The following TRAP1 variants were observed in gnomAD, a reference collection of about 807,000 sequenced individuals.
The protein encoded by TRAP1 is heat shock protein 75 kDa, mitochondrial.
A neutral mutation model predicts 89.1 loss-of-function variants in TRAP1; 102 were observed. The observed-to-expected ratio is 1.15, with a 90% CI of 0.98 to 1.35. TRAP1 has a LOEUF of 1.35. Among genes scored for constraint, TRAP1 ranks in the 40% most tolerant of loss-of-function variants. The pLI, the probability that TRAP1 is intolerant of heterozygous loss-of-function variation, is 0.00. For missense variants in TRAP1, 1,256 were observed against 945.3 expected (o/e 1.33, Z -4.31); for synonymous variants, 508 against 388.0 (o/e 1.31, Z -3.64).
intron 17 of TRAP1, 27 bp from the exon 18 acceptor site, chr16:3,658,257 A>T: frequency 6.4e-7 from 1 of 1,551,816 alleles, no homozygotes; most frequent in Non-Finnish European, 8.9e-7. Flanking sequence ...GAAACCCATT[A>T]TGAGGGGCAT....
At chr16:3,674,623 G>T in intron 8 of TRAP1, 129 bp from the exon 9 acceptor site, 5 of 1,151,352 alleles carry the variant, frequency 4.3e-6, no homozygotes, top group Non-Finnish European at 6.1e-6. Flanking sequence ...GGTGGTCTCA[G>T]GCGTAGACCC....
intron 9 of TRAP1, among the ~76,000 whole-genome samples, chr16:3,673,929 G>A (rs2050951087): frequency 1.3e-5 from 2 of 152,120 alleles, no homozygotes. Context: ...CTGATCCACA[G>A]CAGATGATGT....
chr16:3,684,886 T>C (rs1287435162), intron 4 of TRAP1, among the ~76,000 whole-genome samples: 1 of 152,226 alleles, frequency 6.6e-6, no homozygotes, highest in Non-Finnish European at 1.5e-5. Flanking sequence ...AATGGAGCTC[T>C]AAATTACCTG....
chr16:3,702,539 T>C (rs189633065), intron 1 of TRAP1, among the ~76,000 whole-genome samples: 2 of 151,480 alleles, frequency 1.3e-5, no homozygotes, highest in East Asian at 3.9e-4. Flanking sequence ...GCCCAGGAGT[T>C]TGAGACCAGC....
intron 13 of TRAP1, 109 bp from the exon 14 acceptor site, chr16:3,663,671 G>T (rs974784626): frequency 5.0e-6 from 7 of 1,412,964 alleles, no homozygotes; most frequent in Non-Finnish European, 6.7e-6. Flanking sequence ...GCCACACTGG[G>T]GAACACCGGG....
intron 16 of TRAP1, 86 bp downstream of exon 16, chr16:3,661,901 C>G (rs1431233284): frequency 1.4e-6 from 2 of 1,468,896 alleles, no homozygotes; most frequent in Non-Finnish European, 1.8e-6. Context: ...CACTTTTCTT[C>G]TGTGTCACAT....
chr16:3,673,626 GCCTGAGA>G (rs2050945970), intron 9 of TRAP1, among the ~76,000 whole-genome samples: 1 of 152,150 alleles, frequency 6.6e-6, no homozygotes, highest in South Asian at 2.1e-4. Flanking sequence ...CCTGGGTGGG[GCCTGAGA>G]CTCTAACAAG....
chr16:3,708,776 A>C (rs866037611), intron 1 of TRAP1, among the ~76,000 whole-genome samples: 7 of 151,416 alleles, frequency 4.6e-5, no homozygotes, highest in Admixed American at 1.3e-4. Context: ...AGATGGCGCC[A>C]CTGCACTCCA....
chr16:3,685,360 A>T (rs28697882), intron 4 of TRAP1, among the ~76,000 whole-genome samples: 1 of 152,232 alleles, frequency 6.6e-6, no homozygotes, highest in African/African-American at 2.4e-5. Flanking sequence ...TCACAAGTCC[A>T]TTCATTCACG....
intron 1 of TRAP1, among the ~76,000 whole-genome samples, chr16:3,696,627 C>A (rs1207097939): frequency 1.3e-5 from 2 of 152,110 alleles, no homozygotes; most frequent in Non-Finnish European, 2.9e-5. Context: ...ACAATCACAG[C>A]TCACTGCAGC....
chr16:3,700,048 T>C (rs763110358), intron 1 of TRAP1, among the ~76,000 whole-genome samples: 6 of 152,070 alleles, frequency 3.9e-5, no homozygotes, highest in Non-Finnish European at 8.8e-5. Flanking sequence ...TTGGTTAATG[T>C]ATAATTTATC....
intron 2 of TRAP1, among the ~76,000 whole-genome samples, chr16:3,690,141 G>C (rs960092403): frequency 6.6e-6 from 1 of 152,060 alleles, no homozygotes; most frequent in Non-Finnish European, 1.5e-5. Context: ...CAAGTACCTG[G>C]AACCACTGGT....
Position 3,671,111 on chromosome 16 carries a change from T to C in TRAP1, c.1235+611A>G, listed in dbSNP as rs150623187. Reference sequence around the variant, plus strand: ...ATGGCATGCTGCACGTGGTGGGCTCTTGAGAGACCTCCAGGGCTCCAAATT... The same window carrying C: ...ATGGCATGCTGCACGTGGTGGGCTCCTGAGAGACCTCCAGGGCTCCAAATT... On this transcript the variant is annotated intron_variant, in intron 11 of 17. Coordinates refer to ENST00000246957, the MANE Select transcript of TRAP1 (RefSeq NM_016292.3). Among the ~76,000 whole-genome samples the C allele has an allele frequency of 2.0e-3, 298 of 152,214 alleles. 3 individuals carry two copies. Among genetic ancestry groups the C allele is most frequent in the African/African-American group, 6.6e-3 (275 of 41,534 alleles).
At chr16:3,676,309 A>G (rs984723604) in intron 6 of TRAP1, 164 bp from the exon 7 acceptor site, 10 of 344,234 alleles carry the variant, frequency 2.9e-5, no homozygotes, top group East Asian at 1.8e-4. Flanking sequence ...AGGCCATCAC[A>G]TGCCCATCAG....
chr16:3,679,750 T>C lies in TRAP1; in HGVS notation c.512A>G (p.Asn171Ser), dbSNP rs759416487. 9 of 1,613,986 alleles carry C rather than the reference T, an allele frequency of 5.6e-6. No individual in the cohort carries two copies. The highest frequency in any genetic ancestry group is 6.8e-6 in the Non-Finnish European group (8 of 1,180,018). ...IGMTQEELVS[N>S]LGTIARSGSK... ...CCCCGATCTGGCAATCGTCCCCAGGTTGGACACCAGCTCTTCCTGTGTCAT... is the reference window on the plus strand; with the variant it reads ...CCCCGATCTGGCAATCGTCCCCAGGCTGGACACCAGCTCTTCCTGTGTCAT... The change falls in exon 5 of 18, where the codon AAC (asparagine) becomes AGC (serine). Residue 171 changes from asparagine (N) to serine (S), a missense_variant. By Grantham distance (46) the Asn-to-Ser change is conservative. Transcript: ENST00000246957.
At chr16:3,674,306 CCT>C in intron 9 of TRAP1, 31 bp downstream of exon 9, 1 of 1,611,052 alleles carries the variant, frequency 6.2e-7, no homozygotes, top group Admixed American at 1.7e-5. Context: ...ACAGAGTCAC[CCT>C]GAGGGCCGTG....
At chr16:3,708,970 C>A (rs1157850039) in intron 1 of TRAP1, among the ~76,000 whole-genome samples, 1 of 151,746 alleles carries the variant, frequency 6.6e-6, no homozygotes, top group African/African-American at 2.4e-5. Flanking sequence ...CGCCCGCCAC[C>A]ATGCCCAGAT....
intron 11 of TRAP1, among the ~76,000 whole-genome samples, 156 bp downstream of exon 11, chr16:3,671,566 C>A (rs527245611): frequency 2.0e-5 from 3 of 152,230 alleles, no homozygotes; most frequent in Non-Finnish European, 4.4e-5. Context: ...CAGGCCAGCA[C>A]CTGGAAGGCT....
At position 3,715,630 on chromosome 16, in the gene TRAP1, T is replaced by C. The variant is rs376384472; in HGVS notation, c.88+1791A>G. On this transcript the variant is annotated intron_variant, in intron 1 of 17. Transcript: ENST00000246957. ...CAAGGGGGAAAAAACCCGAGTCAGC[T>C]ACAAAAGAAACGAGAACCAAATTAA... is the stretch of plus-strand genomic sequence containing the variant. Among the ~76,000 whole-genome samples the C allele has an allele frequency of 2.6e-5, 4 of 151,956 alleles. No homozygotes were observed. The South Asian group carries it at 8.3e-4, about 32-fold the overall frequency.
Sources: allele counts gnomAD v4.1 joint callset (sites outside exome capture counted in the v4.1 genomes callset), GRCh38; gene constraint gnomAD v4.1.1; transcripts MANE v1.5; gene names NCBI Gene and HGNC (gene_info 2026-07-23, HGNC 2026-07-21).